Variants in COL11A1 observed in about 807,000 individuals in gnomAD.
COL11A1 encodes the protein collagen type XI alpha 1 chain, also known as collagen alpha-1(XI) chain.
A neutral mutation model predicts 265.2 loss-of-function variants in COL11A1; 74 were observed. The observed-to-expected ratio is 0.28, with a 90% CI of 0.23 to 0.34. The LOEUF is 0.34. Ranked by LOEUF, COL11A1 falls within the 10% of genes least tolerant of loss-of-function variation. The probability of loss-of-function intolerance (pLI) is 1.00; values close to 1 mark genes in which losing one functional copy is unlikely to be tolerated. For synonymous variants in COL11A1, 816 were observed against 727.6 expected, an observed-to-expected ratio of 1.12 and a Z score of -1.96; for missense variants, 2,165 against 2,263.6, an observed-to-expected ratio of 0.96 and a Z score of 0.88.
At chr1:103,015,190 G>T (rs12748384) in intron 12 of COL11A1, among the ~76,000 whole-genome samples, 3,292 of 151,878 alleles carry the variant, frequency 0.022, 59 homozygotes, top group Middle Eastern at 0.092. Flanking sequence ...TCATTACATT[G>T]AAATTGATAA....
chr1:103,001,585 G>T (rs1342756453), intron 24 of COL11A1: 1 of 458,694 alleles, frequency 2.2e-6, no homozygotes, highest in Non-Finnish European at 3.8e-6. Flanking sequence ...TTTGTCACAA[G>T]CAAACTTAAT....
rs1397511947 is a variant in COL11A1 at position 103,074,770 on chromosome 1, C to A, written c.499G>T (p.Val167Leu). The A allele has an allele frequency of 2.5e-6, 4 of 1,613,138 alleles. No individual in the cohort carries two copies. Among genetic ancestry groups the A allele is most frequent in the South Asian group, 1.1e-5 (1 of 91,072 alleles). Residue 167 changes from valine (V) to leucine (L), a missense_variant, in exon 4 of 67, where the codon GTA becomes TTA. Val to Leu is a conservative substitution (Grantham distance 32). Coordinates refer to ENST00000370096, the MANE Select transcript of COL11A1 (RefSeq NM_001854.4). Reference sequence around the variant, plus strand: ...GTTTTCTTCTCCACGCTGATTGCTACCCGATGCCACCTAAAAAAGACAAGT... The same window carrying A: ...GTTTTCTTCTCCACGCTGATTGCTAACCGATGCCACCTAAAAAAGACAAGT... ...VNIADGKWHR[V>L]AISVEKKTVT...
At chr1:102,960,021 T>TA (rs1308847681) in intron 41 of COL11A1, among the ~76,000 whole-genome samples, 4 of 152,134 alleles carry the variant, frequency 2.6e-5, no homozygotes, top group Admixed American at 2.6e-4. Flanking sequence ...TATATCTAAA[T>TA]AAGAACTTTT....
chr1:102,937,193 A>G (rs919191569), intron 44 of COL11A1, among the ~76,000 whole-genome samples: 1 of 152,198 alleles, frequency 6.6e-6, no homozygotes, highest in Admixed American at 6.5e-5. Flanking sequence ...CCACATAGAC[A>G]AAAGCTTTTT....
At chr1:102,914,914 A>G (rs1401001651) in intron 50 of COL11A1, 103 bp from the exon 51 acceptor site, 2 of 839,624 alleles carry the variant, frequency 2.4e-6, no homozygotes, top group East Asian at 3.1e-5. Context: ...GCCAGAATAT[A>G]TTTTTTTTTT....
intron 1 of COL11A1, among the ~76,000 whole-genome samples, chr1:103,106,071 C>A (rs1218399486): frequency 1.3e-5 from 2 of 152,090 alleles, no homozygotes; most frequent in Non-Finnish European, 2.9e-5. Context: ...GTTTTCCCAC[C>A]ATTTATTTGA....
At chr1:103,006,912 G>T (rs1389392485) in intron 15 of COL11A1, among the ~76,000 whole-genome samples, 2 of 151,938 alleles carry the variant, frequency 1.3e-5, no homozygotes, top group African/African-American at 2.4e-5. Context: ...CCAAACCTTG[G>T]GGTTTTACAT....
In COL11A1 at chr1:102,970,371, C is replaced by A. The variant is rs563474022; in HGVS notation, c.2809-99G>T. On this transcript the variant is annotated intron_variant, in intron 36 of 66. Transcript: ENST00000370096. The stretch of plus-strand genomic sequence containing the variant: ...AAAATTTTCTTTTCTTTTTATATTT[C>A]CATTAGCTATTTTACTTTGCTCTTC... 4 of 863,636 alleles carry A rather than the reference C, an allele frequency of 4.6e-6. No individual in the cohort carries two copies. In the South Asian group the frequency reaches 6.7e-5, roughly 14 times the overall value. 53.5% of individuals were successfully genotyped at this position (863,636 alleles called of 1,614,324 possible).
rs929510999 is a variant in COL11A1 at position 103,050,161 on chromosome 1, G to A, written c.652-18917C>T. Among the ~76,000 whole-genome samples the A allele has an allele frequency of 2.0e-5, 3 of 152,124 alleles. No individual in the cohort carries two copies. In the East Asian group the frequency reaches 5.8e-4, roughly 29 times the overall value. On this transcript the variant is annotated intron_variant, in intron 4 of 66. Transcript: ENST00000370096. ...AATGTTGGCCCTGCCTTGCTAGATT[G>A]GGGAAGTTCTCCTGGATAATATCCT...
At chr1:102,961,339 C>T (rs1470589604) in intron 41 of COL11A1, among the ~76,000 whole-genome samples, 3 of 152,030 alleles carry the variant, frequency 2.0e-5, no homozygotes, top group Admixed American at 2.0e-4. Flanking sequence ...AAGCAATATG[C>T]ATAATATATA....
intron 4 of COL11A1, among the ~76,000 whole-genome samples, chr1:103,032,477 A>T (rs564601834): frequency 1.3e-4 from 20 of 151,890 alleles, no homozygotes; most frequent in Non-Finnish European, 2.9e-4. Context: ...CACTTTGGAG[A>T]GTGCAAATTA....
intron 4 of COL11A1, among the ~76,000 whole-genome samples, chr1:103,057,254 G>T (rs1368876717): frequency 1.3e-5 from 2 of 151,968 alleles, no homozygotes; most frequent in African/African-American, 4.8e-5. Flanking sequence ...TTCCATCTCA[G>T]AAAAAAACAC....
intron 46 of COL11A1, among the ~76,000 whole-genome samples, chr1:102,924,009 C>A (rs1275088573): frequency 1.3e-5 from 2 of 149,376 alleles, no homozygotes; most frequent in Non-Finnish European, 3.0e-5. Flanking sequence ...GAGATCGAGA[C>A]CATCCTGGCT....
intron 42 of COL11A1, among the ~76,000 whole-genome samples, chr1:102,946,587 AAAG>A (rs1466034967): frequency 6.6e-6 from 1 of 152,064 alleles, no homozygotes; most frequent in Non-Finnish European, 1.5e-5. Context: ...TTTTTTAAAA[AAAG>A]CAAAATGAAA....
chr1:103,061,376 A>T (rs1215015793), intron 4 of COL11A1, among the ~76,000 whole-genome samples: 2 of 152,098 alleles, frequency 1.3e-5, no homozygotes, highest in Non-Finnish European at 2.9e-5. Flanking sequence ...AAGTTGAACT[A>T]AAAACACTAT....
intron 4 of COL11A1, among the ~76,000 whole-genome samples, chr1:103,069,429 T>C (rs1671400638): frequency 1.3e-5 from 2 of 151,844 alleles, no homozygotes; most frequent in Non-Finnish European, 2.9e-5. Context: ...TCATGACCCA[T>C]GTGCAAATCC....
Position 103,026,259 on chromosome 1 carries a change from G to C in COL11A1, c.854C>G (p.Thr285Arg), listed in dbSNP as rs1356653753. ...CTCCTCAGTTACAGTGGGTCCCTCT[G>C]TTACACTTTCAGCCTCTTTATACTC... ...EAEYKEAESVTEGPTVTEETI... is the reference protein window; with the variant it reads ...EAEYKEAESVREGPTVTEETI... The change falls in exon 6 of 67, where the codon ACA (threonine) becomes AGA (arginine). Residue 285 changes from threonine to arginine, a missense_variant. By Grantham distance (71) the Thr-to-Arg change is moderately conservative. Coordinates refer to ENST00000370096, the MANE Select transcript of COL11A1 (RefSeq NM_001854.4). 1.2e-6 allele frequency: 2 copies of C among 1,613,612 alleles called. No individual in the cohort carries two copies. Among genetic ancestry groups the C allele is most frequent in the South Asian group, 2.2e-5 (2 of 91,074 alleles).
intron 42 of COL11A1, among the ~76,000 whole-genome samples, chr1:102,943,682 T>C (rs1384773901): frequency 6.6e-6 from 1 of 152,160 alleles, no homozygotes; most frequent in Non-Finnish European, 1.5e-5. Context: ...CTGATTATTT[T>C]CTCTGCAATT....
intron 4 of COL11A1, among the ~76,000 whole-genome samples, chr1:103,048,133 G>A (rs1320091113): frequency 6.6e-6 from 1 of 152,164 alleles, no homozygotes; most frequent in African/African-American, 2.4e-5. Flanking sequence ...GAGTTAGGGA[G>A]GATTCCCTCT....
Sources: allele counts gnomAD v4.1 joint callset (sites outside exome capture counted in the v4.1 genomes callset), GRCh38; gene constraint gnomAD v4.1.1; transcripts MANE v1.5; gene names NCBI Gene and HGNC (gene_info 2026-07-23, HGNC 2026-07-21).